The following PLSCR2 variants were observed in gnomAD, a reference collection of about 807,000 sequenced individuals.
PLSCR2 encodes phospholipid scramblase 2.
Under a neutral mutation model 25.3 loss-of-function variants are expected in PLSCR2, and 18 were observed. The observed-to-expected ratio is 0.71, with a 90% confidence interval of 0.49 to 1.06. The LOEUF (loss-of-function observed/expected upper bound fraction) is 1.06, where lower values mean the gene tolerates loss of function less well. Among genes scored for constraint, PLSCR2 ranks in the 50% least tolerant of loss-of-function variants. PLSCR2 has a pLI of 0.00. For missense variants in PLSCR2, 243 were observed against 269.5 expected (o/e 0.90, Z 0.69); for synonymous variants, 88 against 87.3 (o/e 1.01, Z -0.04).
intron 2 of PLSCR2, among the ~76,000 whole-genome samples, chr3:146,403,237 C>T (rs559298742): frequency 7.2e-5 from 11 of 152,124 alleles, no homozygotes; most frequent in South Asian, 2.1e-4. Flanking sequence ...AAAATATCCC[C>T]GGCATATCTG....
At chr3:146,427,238 A>G (rs2039388660) in intron 2 of PLSCR2, among the ~76,000 whole-genome samples, 2 of 152,206 alleles carry the variant, frequency 1.3e-5, no homozygotes, top group Non-Finnish European at 2.9e-5. Flanking sequence ...ATGTTCAAAA[A>G]GAACTTCTCT....
chr3:146,493,288 C>A (rs1576759696), intron 1 of PLSCR2, among the ~76,000 whole-genome samples: 1 of 152,264 alleles, frequency 6.6e-6, no homozygotes. Context: ...TCTTCTAACT[C>A]ATTTTAGGAG....
intron 1 of PLSCR2, 56 bp downstream of exon 1, chr3:146,469,439 C>G (rs2042017232): frequency 2.2e-6 from 2 of 926,918 alleles, no homozygotes; most frequent in Non-Finnish European, 2.6e-6. Flanking sequence ...ATCGTCCCCA[C>G]TAGCCAGGCA....
At chr3:146,436,558 T>C (rs1005110497) in intron 8 of PLSCR2, among the ~76,000 whole-genome samples, 1 of 152,218 alleles carries the variant, frequency 6.6e-6, no homozygotes, top group African/African-American at 2.4e-5. Context: ...AGTTCACTCA[T>C]GATTTGGCTC....
intron 2 of PLSCR2, among the ~76,000 whole-genome samples, chr3:146,404,002 C>A (rs1559970192): frequency 6.6e-6 from 1 of 152,128 alleles, no homozygotes; most frequent in Admixed American, 6.6e-5. Flanking sequence ...CATTTCATAA[C>A]CATTTTTCCC....
At chr3:146,491,607 T>C (rs1433877554) in intron 1 of PLSCR2, among the ~76,000 whole-genome samples, 1 of 152,172 alleles carries the variant, frequency 6.6e-6, no homozygotes, top group African/African-American at 2.4e-5. Flanking sequence ...TTCTTCAAGC[T>C]CTGAGATTCT....
At chr3:146,438,467 A>G (rs1378537393), downstream of PLSCR2, among the ~76,000 whole-genome samples, 2 of 152,182 alleles carry the variant, frequency 1.3e-5, no homozygotes, top group South Asian at 2.1e-4. Context: ...CCTGTATTGG[A>G]TGCATATATA....
chr3:146,488,767 C>T (rs1395482638), intron 1 of PLSCR2, among the ~76,000 whole-genome samples: 2 of 152,056 alleles, frequency 1.3e-5, no homozygotes, highest in African/African-American at 4.8e-5. Context: ...GGTGACTCCT[C>T]AAGGATCTGG....
intron 2 of PLSCR2, among the ~76,000 whole-genome samples, 157 bp downstream of exon 2, chr3:146,459,691 A>T (rs2041443168): frequency 6.6e-6 from 1 of 152,232 alleles, no homozygotes; most frequent in Non-Finnish European, 1.5e-5. Flanking sequence ...CAAAAGAACT[A>T]GTGATTTGTT....
At chr3:146,459,720 C>A (rs755335143) in intron 2 of PLSCR2, 128 bp downstream of exon 2, 41 of 664,802 alleles carry the variant, frequency 6.2e-5, no homozygotes, top group Admixed American at 9.6e-5. Flanking sequence ...GTGCTGTTTA[C>A]CATTTCTGAC....
chr3:146,466,460 C>A (rs2041874896), intron 1 of PLSCR2, among the ~76,000 whole-genome samples: 1 of 152,202 alleles, frequency 6.6e-6, no homozygotes, highest in Admixed American at 6.5e-5. Context: ...TGGACCACCA[C>A]ACCTGGCCTA....
chr3:146,439,287 C>A (rs1164174954), downstream of PLSCR2, among the ~76,000 whole-genome samples: 3 of 152,232 alleles, frequency 2.0e-5, no homozygotes, highest in South Asian at 2.1e-4. Context: ...ATCTTTGTGG[C>A]ATTCTCTGTA....
chr3:146,475,964 A>G (rs2042269808), intron 1 of PLSCR2, among the ~76,000 whole-genome samples: 1 of 151,842 alleles, frequency 6.6e-6, no homozygotes, highest in Non-Finnish European at 1.5e-5. Flanking sequence ...CATTCCCCAG[A>G]TTTTCTTTTT....
At chr3:146,451,925 G>A (rs1488931768) in intron 5 of PLSCR2, among the ~76,000 whole-genome samples, 2 of 152,148 alleles carry the variant, frequency 1.3e-5, no homozygotes, top group Non-Finnish European at 2.9e-5. Context: ...TCTTCATCTG[G>A]CTATCCATCT....
chr3:146,454,080 T>C, exon 5 of PLSCR2: 1 of 1,610,930 alleles, frequency 6.2e-7, no homozygotes, highest in South Asian at 1.1e-5. Flanking sequence ...TTTTCTGATT[T>C]TTAATTGTAA....
chr3:146,471,572 T>C (rs753535873), intron 1 of PLSCR2, among the ~76,000 whole-genome samples: 9 of 151,876 alleles, frequency 5.9e-5, no homozygotes, highest in Non-Finnish European at 1.0e-4. Context: ...AATTCTTTTT[T>C]TTTTTTTTTT....
chr3:146,446,457 A>C (rs2040558947), intron 6 of PLSCR2, among the ~76,000 whole-genome samples: 1 of 152,184 alleles, frequency 6.6e-6, no homozygotes, highest in Non-Finnish European at 1.5e-5. Context: ...ATCCAGAAGC[A>C]TTCCCTGCAA....
intron 2 of PLSCR2, among the ~76,000 whole-genome samples, chr3:146,417,690 G>C (rs1393106387): frequency 6.6e-6 from 1 of 152,160 alleles, no homozygotes; most frequent in East Asian, 1.9e-4. Flanking sequence ...GCTGACTTTA[G>C]TTAGCAACAT....
upstream of PLSCR2, among the ~76,000 whole-genome samples, chr3:146,464,154 TA>T (rs1243489884): frequency 6.6e-6 from 1 of 152,198 alleles, no homozygotes; most frequent in Non-Finnish European, 1.5e-5. Context: ...TTTCTGCAGT[TA>T]ATCTATAAGG....
Sources: gnomAD v4.1 joint callset for allele counts (sites outside exome capture counted in the v4.1 genomes callset) on GRCh38, gnomAD v4.1.1 for gene constraint, MANE v1.5 for transcripts, NCBI Gene and HGNC (gene_info 2026-07-23, HGNC 2026-07-21) for gene names.